BBS9: variants seen among roughly 807,000 people sequenced by gnomAD.
The protein encoded by BBS9 is protein PTHB1.
In BBS9, 89 loss-of-function variants were observed where a neutral mutation model predicts 117.7. The observed-to-expected ratio is 0.76, with a 90% CI of 0.64 to 0.90. BBS9 has a LOEUF of 0.90. BBS9 is among the 40% of genes least tolerant of loss of function. BBS9 has a pLI of 0.00. For synonymous variants in BBS9, 379 were observed against 370.9 expected (o/e 1.02, Z -0.25); for missense variants, 982 against 1,042.2 (o/e 0.94, Z 0.80).
At chr7:33,542,923 C>T (rs1852628235) in intron 21 of BBS9, among the ~76,000 whole-genome samples, 1 of 151,818 alleles carries the variant, frequency 6.6e-6, no homozygotes, top group Non-Finnish European at 1.5e-5. Flanking sequence ...TATAAACATG[C>T]ATGTGCAAGT....
At chr7:33,406,161 T>A (rs1425140832) in intron 19 of BBS9, among the ~76,000 whole-genome samples, 6 of 152,096 alleles carry the variant, frequency 3.9e-5, no homozygotes, top group East Asian at 3.8e-4. Flanking sequence ...TTTGAGTGAG[T>A]TTCTTAATCC....
At chr7:33,184,695 C>G (rs1032233155) in intron 5 of BBS9, among the ~76,000 whole-genome samples, 3 of 152,120 alleles carry the variant, frequency 2.0e-5, no homozygotes, top group Admixed American at 6.5e-5. Flanking sequence ...TCGTATCGTT[C>G]TTTCATGGTT....
At chr7:33,133,949 A>T (rs536469778) in intron 1 of BBS9, among the ~76,000 whole-genome samples, 2 of 152,302 alleles carry the variant, frequency 1.3e-5, no homozygotes, top group South Asian at 4.1e-4. Context: ...ATTTCTTTAC[A>T]TCCTCACCAA....
chr7:33,501,850 C>T (rs1845493196), intron 19 of BBS9, among the ~76,000 whole-genome samples: 1 of 152,194 alleles, frequency 6.6e-6, no homozygotes, highest in Non-Finnish European at 1.5e-5. Context: ...TCCTCTACAA[C>T]AGTGCCCAGC....
chr7:33,358,296 ATATT>A (rs1820008754), intron 16 of BBS9, among the ~76,000 whole-genome samples: 2 of 151,756 alleles, frequency 1.3e-5, no homozygotes, highest in Middle Eastern at 3.4e-3. Context: ...TGGAATGTAA[ATATT>A]TATTATTCAT....
chr7:33,331,807 A>C (rs979047983), intron 9 of BBS9, among the ~76,000 whole-genome samples: 1 of 152,156 alleles, frequency 6.6e-6, no homozygotes, highest in Non-Finnish European at 1.5e-5. Flanking sequence ...CATAGATGAC[A>C]CAAACAAATG....
chr7:33,536,270 G>C (rs974236406), intron 21 of BBS9, among the ~76,000 whole-genome samples: 2 of 151,760 alleles, frequency 1.3e-5, no homozygotes, highest in African/African-American at 4.8e-5. Context: ...CCGACGACCC[G>C]CTTGCCACTC....
intron 9 of BBS9, among the ~76,000 whole-genome samples, chr7:33,301,898 T>C (rs1291565790): frequency 1.3e-5 from 2 of 152,172 alleles, no homozygotes; most frequent in East Asian, 1.9e-4. Flanking sequence ...CCACCAACAA[T>C]GTATGAGGGT....
intron 5 of BBS9, among the ~76,000 whole-genome samples, chr7:33,192,055 C>T (rs1314360975): frequency 6.6e-6 from 1 of 151,988 alleles, no homozygotes; most frequent in Non-Finnish European, 1.5e-5. Context: ...TTGAGCTAAC[C>T]CAGAGTAATT....
chr7:33,216,921 C>G (rs1789179749), intron 5 of BBS9, among the ~76,000 whole-genome samples: 1 of 152,000 alleles, frequency 6.6e-6, no homozygotes, highest in Non-Finnish European at 1.5e-5. Context: ...TGGTGAAACC[C>G]ATCTCTACTA....
chr7:33,452,555 G>C (rs1838046137), intron 19 of BBS9, among the ~76,000 whole-genome samples: 1 of 152,186 alleles, frequency 6.6e-6, no homozygotes, highest in Admixed American at 6.5e-5. Context: ...CCCTTATGGG[G>C]TTGTTTGAAT....
At position 33,273,055 on chromosome 7, in the gene BBS9, G is replaced by A. The variant is rs772441123; in HGVS notation, c.746G>A (p.Cys249Tyr). 3 of 1,613,624 alleles carry A rather than the reference G, an allele frequency of 1.9e-6. No homozygotes were observed. The highest frequency in any genetic ancestry group is 1.1e-5 in the South Asian group (1 of 91,056). Residue 249 changes from cysteine to tyrosine, a missense_variant, in exon 8 of 23, where the codon TGT becomes TAT. Coordinates refer to ENST00000242067, the MANE Select transcript of BBS9 (RefSeq NM_198428.3). Reference sequence around the variant, plus strand: ...ATTGGAGAGCAAGCCCTTGACATATGTATTGTCTCTTTCAATCAGTCGGCA... The same window carrying A: ...ATTGGAGAGCAAGCCCTTGACATATATATTGTCTCTTTCAATCAGTCGGCA... ...LNIGEQALDI[C>Y]IVSFNQSASS...
chr7:33,496,685 A>G (rs1188375957), intron 19 of BBS9, among the ~76,000 whole-genome samples: 1 of 152,190 alleles, frequency 6.6e-6, no homozygotes, highest in South Asian at 2.1e-4. Flanking sequence ...GATTCTTGCT[A>G]TGCCTTCAAA....
At chr7:33,449,340 G>T (rs1277718555) in intron 19 of BBS9, among the ~76,000 whole-genome samples, 3 of 152,162 alleles carry the variant, frequency 2.0e-5, no homozygotes, top group Non-Finnish European at 4.4e-5. Flanking sequence ...TAACAGAATG[G>T]TACTGGCTAC....
intron 21 of BBS9, among the ~76,000 whole-genome samples, chr7:33,591,736 T>C (rs1173529910): frequency 2.0e-5 from 3 of 152,064 alleles, no homozygotes; most frequent in African/African-American, 7.2e-5. Flanking sequence ...CTACCACTGT[T>C]TTACCCTTTT....
chr7:33,473,910 C>T (rs1841442145), intron 19 of BBS9, among the ~76,000 whole-genome samples: 1 of 152,152 alleles, frequency 6.6e-6, no homozygotes, highest in Non-Finnish European at 1.5e-5. Flanking sequence ...AGTCCAATGC[C>T]AGGTTCATTT....
chr7:33,233,744 T>TTTTAAC (rs755788101), intron 5 of BBS9, among the ~76,000 whole-genome samples: 75 of 152,228 alleles, frequency 4.9e-4, no homozygotes, highest in Middle Eastern at 6.8e-3. Context: ...TGATAAAGGC[T>TTTTAAC]TTTAACTTTG....
At chr7:33,479,708 T>C (rs1014832821) in intron 19 of BBS9, among the ~76,000 whole-genome samples, 1 of 152,246 alleles carries the variant, frequency 6.6e-6, no homozygotes, top group Admixed American at 6.5e-5. Context: ...GCTGAACTAA[T>C]TTACATTTTC....
downstream of BBS9, among the ~76,000 whole-genome samples, chr7:33,609,285 A>G (rs1334241520): frequency 6.6e-6 from 1 of 152,094 alleles, no homozygotes; most frequent in African/African-American, 2.4e-5. Context: ...CATTACCACT[A>G]GTATTTTATT....
Sources: allele counts gnomAD v4.1 joint callset (sites outside exome capture counted in the v4.1 genomes callset), GRCh38; gene constraint gnomAD v4.1.1; transcripts MANE v1.5; gene names NCBI Gene and HGNC (gene_info 2026-07-23, HGNC 2026-07-21).